TBC1D23: variants seen among roughly 807,000 people sequenced by gnomAD.
TBC1D23 encodes the protein HCV non-structural protein 4A-transactivated protein 1.
Under a neutral mutation model 91.4 loss-of-function variants are expected in TBC1D23, and 55 were observed. That is an observed-to-expected ratio of 0.60 (90% CI 0.48 to 0.75). The LOEUF (loss-of-function observed/expected upper bound fraction) is 0.75. TBC1D23 is among the 30% of genes least tolerant of loss of function. TBC1D23 has a pLI of 0.00. For synonymous variants in TBC1D23, 289 were observed against 281.0 expected (o/e 1.03, Z -0.28); for missense variants, 725 against 836.1 (o/e 0.87, Z 1.64).
At chr3:100,313,584 T>G (rs1313205126) in intron 15 of TBC1D23, among the ~76,000 whole-genome samples, 1 of 152,238 alleles carries the variant, frequency 6.6e-6, no homozygotes, top group Non-Finnish European at 1.5e-5. Context: ...ATTAATAATT[T>G]GTTTTTTAGG....
intron 13 of TBC1D23, among the ~76,000 whole-genome samples, 196 bp downstream of exon 13, chr3:100,306,739 A>C (rs1705524294): frequency 6.7e-6 from 1 of 149,560 alleles, no homozygotes; most frequent in South Asian, 2.1e-4. Context: ...ATGATACAGC[A>C]AGCCTTCACA....
chr3:100,288,550 T>C (rs1232035699), intron 4 of TBC1D23, among the ~76,000 whole-genome samples: 12 of 152,206 alleles, frequency 7.9e-5, no homozygotes, highest in Non-Finnish European at 1.5e-4. Flanking sequence ...TTTCATAGGA[T>C]TGTTTGATAA....
At chr3:100,313,491 C>T (rs1705667661) in intron 15 of TBC1D23, among the ~76,000 whole-genome samples, 1 of 152,042 alleles carries the variant, frequency 6.6e-6, no homozygotes, top group African/African-American at 2.4e-5. Flanking sequence ...TCATTTTTAG[C>T]CAGTCTTTCA....
At chr3:100,281,901 G>C in intron 3 of TBC1D23, 54 bp downstream of exon 3, 1 of 1,091,950 alleles carries the variant, frequency 9.2e-7, no homozygotes, top group Non-Finnish European at 1.4e-6. Context: ...TAATTTTTGG[G>C]TTGAGGAATC....
chr3:100,304,917 C>T, intron 12 of TBC1D23, 29 bp downstream of exon 12: 3 of 1,257,186 alleles, frequency 2.4e-6, no homozygotes, highest in Non-Finnish European at 1.2e-6. Context: ...AGTTTTTTTC[C>T]TCTATGTTTC....
At chr3:100,281,519 T>C (rs2067694417) in intron 2 of TBC1D23, among the ~76,000 whole-genome samples, 1 of 152,232 alleles carries the variant, frequency 6.6e-6, no homozygotes, top group African/African-American at 2.4e-5. Context: ...GGGTAATTTA[T>C]TGTATTCACT....
At chr3:100,311,621 T>G (rs974072829) in intron 14 of TBC1D23, among the ~76,000 whole-genome samples, 1 of 152,218 alleles carries the variant, frequency 6.6e-6, no homozygotes, top group Admixed American at 6.5e-5. Flanking sequence ...TTTTAAAATG[T>G]ACTGGTGATA....
chr3:100,283,458 G>C (rs1373967905), intron 3 of TBC1D23, 149 bp from the exon 4 acceptor site: 1 of 599,748 alleles, frequency 1.7e-6, no homozygotes, highest in Non-Finnish European at 2.9e-6. Flanking sequence ...GTTAAAATAA[G>C]TATAAGGGAA....
At chr3:100,270,712 A>G (rs2067593048) in intron 1 of TBC1D23, among the ~76,000 whole-genome samples, 1 of 152,166 alleles carries the variant, frequency 6.6e-6, no homozygotes, top group East Asian at 1.9e-4. Flanking sequence ...TATCATATGC[A>G]ATAGAAATAA....
chr3:100,313,728 A>T (rs184137801), intron 15 of TBC1D23, among the ~76,000 whole-genome samples: 24 of 152,212 alleles, frequency 1.6e-4, no homozygotes, highest in East Asian at 9.6e-4. Context: ...GAGAAAACTT[A>T]TAATCTAATC....
At chr3:100,319,814 C>T (rs142540664) in intron 17 of TBC1D23, among the ~76,000 whole-genome samples, 1 of 152,152 alleles carries the variant, frequency 6.6e-6, no homozygotes, top group East Asian at 1.9e-4. Context: ...TGTATATGTA[C>T]ATTTTTGTCA....
intron 11 of TBC1D23, among the ~76,000 whole-genome samples, chr3:100,303,785 A>G (rs1213030820): frequency 6.6e-6 from 1 of 152,150 alleles, no homozygotes; most frequent in Non-Finnish European, 1.5e-5. Context: ...ACAAAATAAA[A>G]TAAAAACGCT....
chr3:100,269,151 T>TC (rs2067581054), intron 1 of TBC1D23, among the ~76,000 whole-genome samples: 1 of 152,190 alleles, frequency 6.6e-6, no homozygotes, highest in Non-Finnish European at 1.5e-5. Context: ...CCCTTTTGCC[T>TC]ATTGCATACA....
chr3:100,297,062 G>A (rs909845776), intron 8 of TBC1D23, among the ~76,000 whole-genome samples: 2 of 152,062 alleles, frequency 1.3e-5, no homozygotes, highest in Non-Finnish European at 2.9e-5. Context: ...AGAAGTATGA[G>A]TGATGTGAAC....
intron 18 of TBC1D23, 88 bp downstream of exon 18, chr3:100,321,059 T>TG (rs1311018190): frequency 8.0e-6 from 8 of 1,000,460 alleles, no homozygotes; most frequent in Non-Finnish European, 1.1e-5. Context: ...TTCTTTATTT[T>TG]GGGGAATGGA....
intron 17 of TBC1D23, among the ~76,000 whole-genome samples, chr3:100,320,499 T>TA (rs1261362341): frequency 6.6e-6 from 1 of 150,598 alleles, no homozygotes; most frequent in East Asian, 1.9e-4. Flanking sequence ...AAAAATATAT[T>TA]ATTGTAGTGA....
intron 1 of TBC1D23, among the ~76,000 whole-genome samples, chr3:100,262,905 A>G (rs577058614): frequency 6.6e-6 from 1 of 152,272 alleles, no homozygotes; most frequent in South Asian, 2.1e-4. Flanking sequence ...AATTTGGTCT[A>G]GCCACATTTC....
At chr3:100,270,869 T>A (rs1232584222) in intron 1 of TBC1D23, among the ~76,000 whole-genome samples, 2 of 152,194 alleles carry the variant, frequency 1.3e-5, no homozygotes, top group Non-Finnish European at 2.9e-5. Flanking sequence ...TAATTTTTTT[T>A]AATGTGGTAA....
intron 3 of TBC1D23, 82 bp downstream of exon 3, chr3:100,281,929 T>C: frequency 1.4e-6 from 1 of 734,550 alleles, no homozygotes; most frequent in South Asian, 2.1e-5. Flanking sequence ...AGAATAATCT[T>C]ATAATTTCAG....
Sources: gnomAD v4.1 joint callset for allele counts (sites outside exome capture counted in the v4.1 genomes callset) on GRCh38, gnomAD v4.1.1 for gene constraint, MANE v1.5 for transcripts, NCBI Gene and HGNC (gene_info 2026-07-23, HGNC 2026-07-21) for gene names.